The following TENM1 variants were observed in gnomAD, a reference collection of about 807,000 sequenced individuals.
TENM1 encodes teneurin-1.
Under a neutral mutation model 174.8 loss-of-function variants are expected in TENM1, and 35 were observed. The observed-to-expected ratio is 0.20, with a 90% CI of 0.15 to 0.27. The LOEUF is 0.27. Ranked by LOEUF, TENM1 falls within the 10% of genes least tolerant of loss-of-function variation. The pLI is 1.00. For missense variants in TENM1, 1,633 were observed against 2,130.1 expected (o/e 0.77, Z 4.59); for synonymous variants, 781 against 798.7 (o/e 0.98, Z 0.37).
chrX:124,530,077 C>T (rs1454760983), intron 15 of TENM1, 94 bp from the exon 19 acceptor site: 4 of 970,755 alleles, frequency 4.1e-6, no homozygotes, highest in Non-Finnish European at 5.5e-6. Context: ...TCAAGTATAA[C>T]AAAGAAAACA....
intron 3 of TENM1, among the ~76,000 whole-genome samples, chrX:124,786,659 T>C (rs2055044086): frequency 8.9e-6 from 1 of 112,160 alleles, no homozygotes; most frequent in African/African-American, 3.2e-5. Context: ...CAAAGCAGGT[T>C]TGAAAAACCA....
chrX:125,112,947 G>A, the TENM1 span, among the ~76,000 whole-genome samples: 9 of 110,470 alleles, frequency 8.1e-5, no homozygotes, highest in African/African-American at 2.6e-4. Context: ...AGAAATTGAC[G>A]AGCCAATTTT....
chrX:124,518,180 T>C (rs1455674405), intron 18 of TENM1, among the ~76,000 whole-genome samples: 2 of 110,702 alleles, frequency 1.8e-5, no homozygotes, highest in Non-Finnish European at 3.8e-5. Context: ...GAGGGGCTAC[T>C]AGACAGGGGC....
At chrX:124,874,328 GTT>G (rs1371557001) in intron 3 of TENM1, among the ~76,000 whole-genome samples, 4 of 110,613 alleles carry the variant, frequency 3.6e-5, no homozygotes, top group Non-Finnish European at 7.6e-5. Context: ...ATTTAGTTCA[GTT>G]TTAATATGCA....
At chrX:125,198,585 G>A in the TENM1 span, among the ~76,000 whole-genome samples, 1 of 111,612 alleles carries the variant, frequency 9.0e-6, no homozygotes, top group African/African-American at 3.3e-5. Context: ...TCAGGAAAAT[G>A]ACAGAGATGG....
intron 3 of TENM1, among the ~76,000 whole-genome samples, chrX:124,891,240 C>T (rs2057471260): frequency 9.0e-6 from 1 of 110,960 alleles, no homozygotes; most frequent in Non-Finnish European, 1.9e-5. Flanking sequence ...CATTTGATAG[C>T]ACAACAGGGT....
chrX:124,969,570 C>T, the TENM1 span, among the ~76,000 whole-genome samples: 4 of 112,400 alleles, frequency 3.6e-5, no homozygotes, highest in Non-Finnish European at 7.5e-5. Flanking sequence ...GCTTTTCCTA[C>T]ATTAACTCAT....
At chrX:124,846,200 G>A (rs745488761) in intron 3 of TENM1, among the ~76,000 whole-genome samples, 34 of 110,314 alleles carry the variant, frequency 3.1e-4, no homozygotes, top group Non-Finnish European at 5.5e-4. Flanking sequence ...TCTTTGATTG[G>A]GAAGAAAAAC....
At chrX:124,948,644 C>T (rs759251039) in intron 1 of TENM1, among the ~76,000 whole-genome samples, 60 of 112,509 alleles carry the variant, frequency 5.3e-4, no homozygotes, top group African/African-American at 1.9e-3. Context: ...CCTCCGCCTC[C>T]TGGCTTCAAG....
intron 1 of TENM1, among the ~76,000 whole-genome samples, chrX:124,925,666 G>A (rs1410423679): frequency 8.9e-6 from 1 of 112,416 alleles, no homozygotes; most frequent in Non-Finnish European, 1.9e-5. Context: ...ACTCATTTAA[G>A]TATAACTAAG....
chrX:124,904,071 G>A (rs767469309), intron 1 of TENM1, among the ~76,000 whole-genome samples: 3 of 110,271 alleles, frequency 2.7e-5, no homozygotes, highest in Non-Finnish European at 3.8e-5. Flanking sequence ...GTGTGTGTGC[G>A]TGTGTGTGTG....
the TENM1 span, among the ~76,000 whole-genome samples, chrX:125,191,491 C>A: frequency 2.7e-5 from 3 of 111,530 alleles, no homozygotes; most frequent in East Asian, 5.6e-4. Flanking sequence ...AAATGAAAGA[C>A]AATAAAGTTC....
At chrX:125,033,908 A>G in the TENM1 span, among the ~76,000 whole-genome samples, 2 of 112,218 alleles carry the variant, frequency 1.8e-5, no homozygotes, top group African/African-American at 6.5e-5. Flanking sequence ...TTACACATGT[A>G]AACAACAGAA....
At chrX:124,632,652 C>T (rs2050788472) in intron 11 of TENM1, among the ~76,000 whole-genome samples, 2 of 110,509 alleles carry the variant, frequency 1.8e-5, no homozygotes, top group South Asian at 7.7e-4. Flanking sequence ...CATCAAAGCT[C>T]AATATGCAAT....
chrX:125,082,961 A>T, the TENM1 span, among the ~76,000 whole-genome samples: 2 of 111,326 alleles, frequency 1.8e-5, no homozygotes, highest in African/African-American at 6.5e-5. Flanking sequence ...TAGTTATTTT[A>T]AAATGTACAA....
upstream of TENM1, among the ~76,000 whole-genome samples, chrX:124,966,723 T>A (rs144702067): frequency 9.2e-3 from 1,023 of 111,478 alleles, 8 homozygotes; most frequent in Admixed American, 0.016. Context: ...TCAAAGAACT[T>A]ATTACCAAAT....
intron 3 of TENM1, among the ~76,000 whole-genome samples, chrX:124,805,655 G>T (rs762195115): frequency 8.9e-6 from 1 of 112,099 alleles, no homozygotes; most frequent in Non-Finnish European, 1.9e-5. Flanking sequence ...CAACCATGGG[G>T]CTTCTGCTGC....
At chrX:124,407,219 CAAAAAAA>C (rs59240118) in intron 25 of TENM1, among the ~76,000 whole-genome samples, 22 of 86,650 alleles carry the variant, frequency 2.5e-4, no homozygotes, top group Non-Finnish European at 4.3e-4. Flanking sequence ...TTACTTTTTC[CAAAAAAA>C]AAAAAAAAAA....
intron 5 of TENM1, among the ~76,000 whole-genome samples, chrX:124,681,590 T>C (rs890185477): frequency 9.0e-6 from 1 of 111,627 alleles, no homozygotes; most frequent in African/African-American, 3.3e-5. Flanking sequence ...TGTTGGGGAT[T>C]TCACTCTGTG....
Sources: gnomAD v4.1 joint callset for allele counts (sites outside exome capture counted in the v4.1 genomes callset) on GRCh38, gnomAD v4.1.1 for gene constraint, MANE v1.5 for transcripts, NCBI Gene and HGNC (gene_info 2026-07-23, HGNC 2026-07-21) for gene names.